Variants in LTC4S observed in about 807,000 individuals in gnomAD.
The protein encoded by LTC4S is LTC4 synthase.
In LTC4S, 18 loss-of-function variants were observed where a neutral mutation model predicts 19.6. The ratio of observed to expected loss-of-function variants is 0.92; its 90% CI spans 0.64 to 1.36. The LOEUF is 1.36. Ranked by LOEUF, LTC4S falls within the 40% of genes most tolerant of loss-of-function variation. The pLI, the probability that LTC4S is intolerant of heterozygous loss-of-function variation, is 0.00. For missense variants in LTC4S, 235 were observed against 212.2 expected (o/e 1.11, Z -0.67); for synonymous variants, 126 against 110.1 (o/e 1.14, Z -0.91).
At chr5:179,794,526 C>A (rs575982440) in intron 1 of LTC4S, among the ~76,000 whole-genome samples, 56 of 152,342 alleles carry the variant, frequency 3.7e-4, no homozygotes, top group African/African-American at 1.3e-3. Flanking sequence ...CTGCTTAATG[C>A]CTTTCTCAGA....
At chr5:179,795,236 G>A in intron 1 of LTC4S, 2 of 488,334 alleles carry the variant, frequency 4.1e-6, no homozygotes, top group Non-Finnish European at 6.3e-6. Context: ...GCATTTGCCT[G>A]TGTTTTGAGA....
chr5:179,795,152 C>T (rs1327115727), intron 1 of LTC4S, among the ~76,000 whole-genome samples: 1 of 152,184 alleles, frequency 6.6e-6, no homozygotes, highest in Non-Finnish European at 1.5e-5. Flanking sequence ...AGTGTGCTTC[C>T]TTGCACCTGG....
chr5:179,796,106 G>T (rs534691041), intron 4 of LTC4S, 84 bp downstream of exon 4: 3 of 1,320,346 alleles, frequency 2.3e-6, no homozygotes, highest in Non-Finnish European at 2.0e-6. Context: ...CGAAGCTGGG[G>T]GCGGGCGACG....
rs1562600569 is a variant in LTC4S, at chr5:179,796,606, C to A, written c.*212C>A. The stretch of plus-strand genomic sequence containing the variant: ...CCGAGTCCGGGCAGCCCGGGGCGGG[C>A]TTCCTAGTGGCGGCGTGAGAGTGGC... On this transcript the variant is annotated 3_prime_UTR_variant, in exon 5 of 5. Transcript: ENST00000292596. 1.6e-6 allele frequency: 1 copy of A among 643,670 alleles called. No individual in the cohort carries two copies. Among genetic ancestry groups the A allele is most frequent in the African/African-American group, 1.9e-5 (1 of 51,820 alleles). The allele number at this position is 643,670 out of a possible 1,614,324, so 39.9% of individuals were successfully genotyped here.
In LTC4S at chr5:179,796,586, T is replaced by G; in HGVS notation, c.*192T>G. 1 of 843,234 alleles carries G rather than the reference T, an allele frequency of 1.2e-6. No individual in the cohort carries two copies. Among genetic ancestry groups the G allele is most frequent in the Non-Finnish European group, 1.6e-6 (1 of 616,240 alleles). 52.2% of individuals were successfully genotyped at this position (843,234 alleles called of 1,614,324 possible). On this transcript the variant is annotated 3_prime_UTR_variant, in exon 5 of 5. Transcript: ENST00000292596. ...GGAGCCTGGAGGGGCCCAGCCCGAG[T>G]CCGGGCAGCCCGGGGCGGGCTTCCT...
chr5:179,794,380 T>C (rs1050886549), intron 1 of LTC4S, among the ~76,000 whole-genome samples: 4 of 152,150 alleles, frequency 2.6e-5, no homozygotes, highest in Non-Finnish European at 5.9e-5. Context: ...ATCTCTGCTC[T>C]TTCCAGCTGT....
Position 179,794,139 on chromosome 5 carries a change from G to C in LTC4S, c.58+1G>C. ...ACCCTCCTGGGAGTCCTGCTGCAAGGTGGGCTGGTTCCTATCTAGGAAGAG... is the reference window on the plus strand; with the variant it reads ...ACCCTCCTGGGAGTCCTGCTGCAAGCTGGGCTGGTTCCTATCTAGGAAGAG... On this transcript the variant is annotated splice_donor_variant, in intron 1 of 4. Transcript: ENST00000292596. LOFTEE classifies it high-confidence loss of function. 6.2e-7 allele frequency: 1 copy of C among 1,613,430 alleles called. No homozygotes were observed. The highest frequency in any genetic ancestry group is 8.5e-7 in the Non-Finnish European group (1 of 1,179,892).
intron 1 of LTC4S, 94 bp from the exon 2 acceptor site, chr5:179,795,490 G>A: frequency 1.3e-6 from 2 of 1,529,606 alleles, no homozygotes; most frequent in Non-Finnish European, 1.8e-6. Context: ...AGAGGACACG[G>A]CCAAGTGAAG....
chr5:179,795,352 G>C, intron 1 of LTC4S: 1 of 1,411,920 alleles, frequency 7.1e-7, no homozygotes, highest in Non-Finnish European at 9.2e-7. Context: ...TTGGGACAGG[G>C]CCTCTCTGCG....
At chr5:179,796,161 C>T in intron 4 of LTC4S, 92 bp from the exon 5 acceptor site, 1 of 1,263,270 alleles carries the variant, frequency 7.9e-7, no homozygotes, top group South Asian at 1.7e-5. Context: ...CGAGCCCTGG[C>T]GGCGGCCAGA....
At chr5:179,795,398 CAGGG>C in intron 1 of LTC4S, 182 bp from the exon 2 acceptor site, 1 of 1,444,006 alleles carries the variant, frequency 6.9e-7, no homozygotes, top group Non-Finnish European at 9.1e-7. Context: ...CGCTGAATGT[CAGGG>C]ACACAGGGCA....
rs373563671 is a variant in LTC4S at position 179,794,071 on chromosome 5, C to T, written c.-10C>T. On this transcript the variant is annotated 5_prime_UTR_variant, in exon 1 of 5. Coordinates refer to ENST00000292596, the MANE Select transcript of LTC4S (RefSeq NM_145867.2). Reference sequence around the variant, plus strand: ...TCACACACAGCCCGTGCCACCACACCGACGGTACCATGAAGGACGAGGTAG... The same window carrying T: ...TCACACACAGCCCGTGCCACCACACTGACGGTACCATGAAGGACGAGGTAG... The T allele has an allele frequency of 6.4e-5, 103 of 1,613,608 alleles. No homozygotes were observed. The African/African-American group carries it at 7.7e-4, about 12-fold the overall frequency.
In LTC4S at chr5:179,795,609, G is replaced by C. The variant is rs1314327387; in HGVS notation, c.84G>C (p.Ser28=). The C allele has an allele frequency of 6.2e-7, 1 of 1,610,186 alleles. No individual in the cohort carries two copies. The highest frequency in any genetic ancestry group is 8.5e-7 in the Non-Finnish European group (1 of 1,179,168). The change falls in exon 2 of 5, where the codon TCG becomes TCC. Residue 28 remains serine, a synonymous_variant. Coordinates refer to ENST00000292596, the MANE Select transcript of LTC4S (RefSeq NM_145867.2). ...LQAYFSLQVI[S]ARRAFRVSPP... ...CCTACTTCTCCCTGCAGGTGATCTC[G>C]GCGCGCAGGGCCTTCCGCGTGTCGC...
chr5:179,795,862 G>C lies in LTC4S; in HGVS notation c.229+6G>C. 1.2e-6 allele frequency: 2 copies of C among 1,605,478 alleles called. No individual in the cohort carries two copies. The highest frequency in any genetic ancestry group is 2.2e-5 in the South Asian group (2 of 90,398). ...CGGCATCTTCTTTCATGAAGGTCGG[G>C]GTGTGGGGCAGGGGCGCACGCGCTG... is the stretch of plus-strand genomic sequence containing the variant. On this transcript the variant is annotated splice_donor_region_variant and intron_variant, in intron 3 of 4. Coordinates refer to ENST00000292596, the MANE Select transcript of LTC4S (RefSeq NM_145867.2).
rs540238590 is a variant in LTC4S at position 179,795,735 on chromosome 5, G to A, written c.159-51G>A. On this transcript the variant is annotated intron_variant, in intron 2 of 4. Coordinates refer to ENST00000292596, the MANE Select transcript of LTC4S (RefSeq NM_145867.2). ...CGGGGAGCGAGCCCCAGGCGGGTCC[G>A]GGTCGCAGGACCATCCCGGCCGGCG... 1.1e-4 allele frequency: 174 copies of A among 1,565,018 alleles called. 2 individuals are homozygous for A. In the South Asian group the frequency reaches 1.9e-3, roughly 17 times the overall value.
In LTC4S at chr5:179,795,742, A is replaced by T. The variant is rs779046826; in HGVS notation, c.159-44A>T. ...CGAGCCCCAGGCGGGTCCGGGTCGC[A>T]GGACCATCCCGGCCGGCGCGCTCAT... On this transcript the variant is annotated intron_variant, in intron 2 of 4. Transcript: ENST00000292596. The T allele has an allele frequency of 5.1e-6, 8 of 1,565,734 alleles. No homozygotes were observed. The Admixed American group carries it at 1.5e-4, about 29-fold the overall frequency.
chr5:179,795,959 G>A lies in LTC4S; in HGVS notation c.248G>A (p.Gly83Asp), dbSNP rs1195157291. Residue 83 changes from glycine (G) to aspartate (D), a missense_variant, in exon 4 of 5, where the codon GGC (glycine) becomes GAC (aspartate). Coordinates refer to ENST00000292596, the MANE Select transcript of LTC4S (RefSeq NM_145867.2). ...FFHEGAAALC[G>D]LVYLFARLRY... Reference sequence around the variant, plus strand: ...CTCGCAGGGGCGGCGGCCCTGTGCGGCCTGGTCTACCTGTTCGCGCGCCTC... The same window carrying A: ...CTCGCAGGGGCGGCGGCCCTGTGCGACCTGGTCTACCTGTTCGCGCGCCTC... The A allele has an allele frequency of 6.4e-7, 1 of 1,552,828 alleles. No individual in the cohort carries two copies. The highest frequency in any genetic ancestry group is 1.9e-5 in the Admixed American group (1 of 53,704).
chr5:179,796,291 T>TGCTGGTGGC lies in LTC4S; in HGVS notation c.356_364dup (p.Val119_Leu121dup), dbSNP rs1247680198. ...TACGCGAGCGCGCGCGCCCTCTGGC[T>TGCTGGTGGC]GCTGGTGGCGCTGGCTGCGCTCGGC... On this transcript the variant is annotated inframe_insertion, in exon 5 of 5. Transcript: ENST00000292596. 6.8e-7 allele frequency: 1 copy of TGCTGGTGGC among 1,472,522 alleles called. No homozygotes were observed. The highest frequency in any genetic ancestry group is 1.5e-5 in the African/African-American group (1 of 67,984). 91.2% of individuals were successfully genotyped at this position (1,472,522 alleles called of 1,614,324 possible). A position where few individuals can be genotyped will look rare whatever the true frequency, so the allele number is the denominator to read the frequency against.
At chr5:179,796,225 C>A in intron 4 of LTC4S, 28 bp from the exon 5 acceptor site, 2 of 1,432,578 alleles carry the variant, frequency 1.4e-6, no homozygotes, top group South Asian at 1.4e-5. Context: ...CCTCCTCGCG[C>A]CACCTCCCCG....
Sources: gnomAD v4.1 joint callset for allele counts (sites outside exome capture counted in the v4.1 genomes callset) on GRCh38, gnomAD v4.1.1 for gene constraint, MANE v1.5 for transcripts, NCBI Gene and HGNC (gene_info 2026-07-23, HGNC 2026-07-21) for gene names.